The following SLC16A7 variants were observed in gnomAD, a reference collection of about 807,000 sequenced individuals.
The protein encoded by SLC16A7 is monocarboxylate transporter 2.
SLC16A7 carries 33 observed loss-of-function variants against 34.9 expected under a neutral mutation model. That is an observed-to-expected ratio of 0.94 (90% CI 0.72 to 1.26). The LOEUF (loss-of-function observed/expected upper bound fraction) is 1.26, where lower values mean the gene tolerates loss of function less well. SLC16A7 is among the 50% of genes most tolerant of loss of function. The pLI, the probability that SLC16A7 is intolerant of heterozygous loss-of-function variation, is 0.00. For missense variants in SLC16A7, 573 were observed against 578.1 expected (o/e 0.99, Z 0.09); for synonymous variants, 201 against 206.6 (o/e 0.97, Z 0.23).
At chr12:59,776,665 T>G (rs1415629203) in intron 5 of SLC16A7, among the ~76,000 whole-genome samples, 1 of 152,156 alleles carries the variant, frequency 6.6e-6, no homozygotes, top group African/African-American at 2.4e-5. Flanking sequence ...TTTAATGACA[T>G]CATTGACCTT....
At position 59,599,963 on chromosome 12, in the gene SLC16A7, G is replaced by A. The variant is rs146752854; in HGVS notation, c.-130+3727G>A. Reference sequence around the variant, plus strand: ...TGGAACCTCTGTGGAGCTGCTGCTTGGGACAGGACAGGGCAGACGAGGGGC... The same window carrying A: ...TGGAACCTCTGTGGAGCTGCTGCTTAGGACAGGACAGGGCAGACGAGGGGC... On this transcript the variant is annotated intron_variant, in intron 1 of 5. Transcript: ENST00000547379. Among the ~76,000 whole-genome samples, 352 of 152,246 alleles carry A rather than the reference G, an allele frequency of 2.3e-3. 4 individuals are homozygous for A. The highest frequency in any genetic ancestry group is 8.0e-3 in the African/African-American group (332 of 41,558).
intron 1 of SLC16A7, among the ~76,000 whole-genome samples, chr12:59,617,192 C>G (rs187279281): frequency 2.0e-5 from 3 of 151,914 alleles, no homozygotes; most frequent in Non-Finnish European, 4.4e-5. Flanking sequence ...AATATATCAC[C>G]TAAATTAGAG....
Position 59,780,704 on chromosome 12 carries a change from A to T in SLC16A7, c.*1025A>T, listed in dbSNP as rs991461845. The stretch of plus-strand genomic sequence containing the variant: ...TAAAATCCTAGTTGGCAGGATTGTA[A>T]GTAGACCGAATTCTAATTTTTCCCA... On this transcript the variant is annotated 3_prime_UTR_variant, in exon 6 of 6. Coordinates refer to ENST00000547379, the MANE Select transcript of SLC16A7 (RefSeq NM_001270623.2). 11 of 152,166 alleles carry T rather than the reference A, an allele frequency of 7.2e-5. No individual in the cohort carries two copies. The highest frequency in any genetic ancestry group is 2.7e-4 in the African/African-American group (11 of 41,464). 9.4% of individuals were successfully genotyped at this position (152,166 alleles called of 1,614,324 possible). A position where few individuals can be genotyped will look rare whatever the true frequency, so the allele number is the denominator to read the frequency against.
intron 1 of SLC16A7, among the ~76,000 whole-genome samples, chr12:59,634,745 G>A (rs970346492): frequency 6.6e-6 from 1 of 152,146 alleles, no homozygotes; most frequent in Middle Eastern, 3.4e-3. Flanking sequence ...AGGCTTAAGA[G>A]TCTGAATAAA....
chr12:59,693,027 C>G (rs1871857005), intron 2 of SLC16A7, among the ~76,000 whole-genome samples: 1 of 151,558 alleles, frequency 6.6e-6, no homozygotes, highest in Non-Finnish European at 1.5e-5. Flanking sequence ...AAGAAAATAG[C>G]CAAAAAACCA....
At chr12:59,636,686 G>A (rs755020544) in intron 1 of SLC16A7, among the ~76,000 whole-genome samples, 1 of 152,056 alleles carries the variant, frequency 6.6e-6, no homozygotes, top group African/African-American at 2.4e-5. Flanking sequence ...AATTATAAGG[G>A]TGGTGGACAA....
chr12:59,736,011 A>G (rs1240728210), intron 3 of SLC16A7: 2 of 685,204 alleles, frequency 2.9e-6, no homozygotes, highest in East Asian at 1.5e-4. Flanking sequence ...TGGTAGAAAC[A>G]TTATTTTAAT....
intron 3 of SLC16A7, among the ~76,000 whole-genome samples, chr12:59,769,651 G>A (rs912123362): frequency 6.6e-6 from 1 of 151,998 alleles, no homozygotes; most frequent in Non-Finnish European, 1.5e-5. Context: ...ATTAGGCACT[G>A]AAGTTTAATT....
chr12:59,607,165 A>T (rs977166928), intron 1 of SLC16A7, among the ~76,000 whole-genome samples: 3 of 152,186 alleles, frequency 2.0e-5, no homozygotes, highest in Admixed American at 6.6e-5. Context: ...AGAAAAAAAA[A>T]ATTATTAAAT....
chr12:59,752,746 T>C (rs1039297705), intron 3 of SLC16A7, among the ~76,000 whole-genome samples: 2 of 151,998 alleles, frequency 1.3e-5, no homozygotes, highest in African/African-American at 4.8e-5. Context: ...GTTCAGGAAA[T>C]ACAGAGAACG....
At chr12:59,665,809 C>CGTGTGTGTGT (rs34983187) in intron 2 of SLC16A7, among the ~76,000 whole-genome samples, 12 of 143,070 alleles carry the variant, frequency 8.4e-5, no homozygotes, top group African/African-American at 3.0e-4. Flanking sequence ...ATATATAACA[C>CGTGTGTGTGT]GTGTGTGTGT....
At chr12:59,715,966 G>C (rs557824302) in intron 3 of SLC16A7, among the ~76,000 whole-genome samples, 1 of 152,246 alleles carries the variant, frequency 6.6e-6, no homozygotes, top group East Asian at 1.9e-4. Context: ...TATCATCCTG[G>C]AGTTTACTGA....
chr12:59,600,489 A>T (rs1033241228), intron 1 of SLC16A7, among the ~76,000 whole-genome samples: 1 of 151,998 alleles, frequency 6.6e-6, no homozygotes, highest in Non-Finnish European at 1.5e-5. Flanking sequence ...CTTGTGAGAA[A>T]GCTTCATTTT....
intron 3 of SLC16A7, chr12:59,768,310 A>T: frequency 2.5e-6 from 1 of 404,248 alleles, no homozygotes. Context: ...TAAGAGGCTC[A>T]GGACTTCAGT....
intron 3 of SLC16A7, among the ~76,000 whole-genome samples, chr12:59,770,677 C>T (rs1175784167): frequency 3.3e-5 from 5 of 151,972 alleles, no homozygotes. Context: ...ATCCTTTATG[C>T]TAATATGATA....
chr12:59,610,564 A>G (rs1264775817), intron 1 of SLC16A7, among the ~76,000 whole-genome samples: 1 of 152,224 alleles, frequency 6.6e-6, no homozygotes, highest in African/African-American at 2.4e-5. Context: ...TACTCAAAAA[A>G]AACCTTAATA....
rs1277053778 is a variant in SLC16A7 at position 59,655,402 on chromosome 12, G to A, written c.-31+152G>A. On this transcript the variant is annotated intron_variant, in intron 2 of 5. Coordinates refer to ENST00000547379, the MANE Select transcript of SLC16A7 (RefSeq NM_001270623.2). ...TAAAATAGGACATATCTTAAAGTTG[G>A]TACTTTTAGCTTCTAGTGTTTCCAT... is the stretch of plus-strand genomic sequence containing the variant. 4.6e-5 allele frequency among the ~76,000 whole-genome samples: 7 copies of A among 151,844 alleles called. No homozygotes were observed. The East Asian group carries it at 1.4e-3, about 29-fold the overall frequency.
At chr12:59,757,215 C>T (rs1266783670) in intron 3 of SLC16A7, among the ~76,000 whole-genome samples, 2 of 151,122 alleles carry the variant, frequency 1.3e-5, no homozygotes, top group African/African-American at 4.9e-5. Context: ...ATGTAACTAA[C>T]CTGCACATTG....
At chr12:59,737,249 G>GATA (rs1332426289) in intron 3 of SLC16A7, among the ~76,000 whole-genome samples, 1 of 152,100 alleles carries the variant, frequency 6.6e-6, no homozygotes, top group Non-Finnish European at 1.5e-5. Flanking sequence ...TAAAAGCCTA[G>GATA]ATAATAATAA....
Sources: allele counts gnomAD v4.1 joint callset (sites outside exome capture counted in the v4.1 genomes callset), GRCh38; gene constraint gnomAD v4.1.1; transcripts MANE v1.5; gene names NCBI Gene and HGNC (gene_info 2026-07-23, HGNC 2026-07-21).